The following GPATCH2 variants were observed in gnomAD, a reference collection of about 807,000 sequenced individuals.
GPATCH2 encodes G-patch domain containing 2, also known as G patch domain-containing protein 2.
GPATCH2 carries 51 observed loss-of-function variants against 58.0 expected under a neutral mutation model. The observed-to-expected ratio is 0.88, with a 90% CI of 0.70 to 1.11. The LOEUF (loss-of-function observed/expected upper bound fraction) is 1.11. GPATCH2 is among the 50% of genes most tolerant of loss of function. GPATCH2 has a pLI of 0.00. For missense variants in GPATCH2, 625 were observed against 652.2 expected (o/e 0.96, Z 0.45); for synonymous variants, 222 against 218.5 (o/e 1.02, Z -0.14).
At chr1:217,492,458 T>A (rs1356053049) in intron 7 of GPATCH2, 1 of 152,184 alleles carries the variant, frequency 6.6e-6, no homozygotes, top group African/African-American at 2.4e-5. Context: ...CTTATCTTAT[T>A]TATGCAGAAA....
chr1:217,535,878 G>A (rs1197351946), intron 5 of GPATCH2, among the ~76,000 whole-genome samples: 2 of 152,104 alleles, frequency 1.3e-5, no homozygotes, highest in African/African-American at 2.4e-5. Context: ...ACTGATTTCA[G>A]ATTAGAAAAA....
intron 2 of GPATCH2, among the ~76,000 whole-genome samples, chr1:217,616,386 G>A (rs565078750): frequency 6.6e-6 from 1 of 152,116 alleles, no homozygotes; most frequent in African/African-American, 2.4e-5. Flanking sequence ...TCCCATCTCT[G>A]GTCCTTTTGT....
chr1:217,570,828 A>C (rs1020083831), intron 5 of GPATCH2, among the ~76,000 whole-genome samples: 1 of 152,228 alleles, frequency 6.6e-6, no homozygotes, highest in Non-Finnish European at 1.5e-5. Context: ...GGATGATGGT[A>C]AGAAATGTCA....
chr1:217,593,703 C>T (rs1191982565), intron 5 of GPATCH2, among the ~76,000 whole-genome samples: 4 of 151,836 alleles, frequency 2.6e-5, no homozygotes, highest in Non-Finnish European at 4.4e-5. Flanking sequence ...AGTGGTAATC[C>T]ATCAAATCCA....
chr1:217,455,899 T>C (rs1659920003), intron 8 of GPATCH2, among the ~76,000 whole-genome samples: 1 of 151,738 alleles, frequency 6.6e-6, no homozygotes, highest in Non-Finnish European at 1.5e-5. Context: ...AGCAGAATGG[T>C]GTGGCAGAGA....
intron 8 of GPATCH2, among the ~76,000 whole-genome samples, chr1:217,466,731 A>G (rs1022846411): frequency 2.0e-5 from 3 of 152,116 alleles, no homozygotes; most frequent in African/African-American, 7.2e-5. Context: ...GGTAATTATT[A>G]GAAAAAAAAG....
chr1:217,603,018 T>C (rs1488111883), intron 5 of GPATCH2, among the ~76,000 whole-genome samples: 1 of 152,138 alleles, frequency 6.6e-6, no homozygotes, highest in Non-Finnish European at 1.5e-5. Flanking sequence ...ACTGTTTAAG[T>C]TGTAAACATT....
At chr1:217,611,299 C>G (rs1443784596) in intron 3 of GPATCH2, among the ~76,000 whole-genome samples, 1 of 151,986 alleles carries the variant, frequency 6.6e-6, no homozygotes. Context: ...TGTTATTTAC[C>G]TACAATTTAA....
At chr1:217,555,693 AT>A (rs1665584665) in intron 5 of GPATCH2, among the ~76,000 whole-genome samples, 1 of 152,186 alleles carries the variant, frequency 6.6e-6, no homozygotes, top group Non-Finnish European at 1.5e-5. Context: ...GCTGCAGAGA[AT>A]TAGACACTGG....
chr1:217,521,974 C>T (rs575631272), intron 5 of GPATCH2, among the ~76,000 whole-genome samples: 3 of 152,186 alleles, frequency 2.0e-5, no homozygotes, highest in Admixed American at 1.3e-4. Flanking sequence ...TCGAAGCGAT[C>T]TCACTATATT....
chr1:217,535,209 T>A (rs933233072), intron 5 of GPATCH2, among the ~76,000 whole-genome samples: 5 of 152,216 alleles, frequency 3.3e-5, no homozygotes, highest in Admixed American at 2.0e-4. Flanking sequence ...GGTTTTTAGT[T>A]TCAATCACTT....
At chr1:217,484,248 A>G (rs1370288699) in intron 8 of GPATCH2, among the ~76,000 whole-genome samples, 1 of 152,158 alleles carries the variant, frequency 6.6e-6, no homozygotes, top group Non-Finnish European at 1.5e-5. Context: ...TTAGAACACA[A>G]AAAGGATGAG....
At chr1:217,437,922 C>T (rs533919963) in intron 9 of GPATCH2, among the ~76,000 whole-genome samples, 12 of 152,302 alleles carry the variant, frequency 7.9e-5, no homozygotes, top group African/African-American at 2.6e-4. Flanking sequence ...GTCCCTGACC[C>T]CCGTGCTTCC....
chr1:217,477,748 C>T (rs1427267491), intron 8 of GPATCH2, among the ~76,000 whole-genome samples: 1 of 152,138 alleles, frequency 6.6e-6, no homozygotes, highest in Non-Finnish European at 1.5e-5. Flanking sequence ...AACAGAACAC[C>T]AGGTAGACTT....
At chr1:217,479,746 A>G (rs1045177410) in intron 8 of GPATCH2, among the ~76,000 whole-genome samples, 4 of 152,174 alleles carry the variant, frequency 2.6e-5, no homozygotes, top group Non-Finnish European at 4.4e-5. Flanking sequence ...TCAAGAGCCA[A>G]TGATCTGTTG....
intron 7 of GPATCH2, among the ~76,000 whole-genome samples, chr1:217,494,412 T>C (rs1327658953): frequency 1.3e-5 from 2 of 152,182 alleles, no homozygotes; most frequent in Admixed American, 1.3e-4. Flanking sequence ...AAAATTAATC[T>C]AAGGTGTTAC....
intron 8 of GPATCH2, among the ~76,000 whole-genome samples, chr1:217,459,161 C>T (rs1660088578): frequency 6.6e-6 from 1 of 152,188 alleles, no homozygotes; most frequent in African/African-American, 2.4e-5. Flanking sequence ...TATTCAAAAA[C>T]ATTCCCTTAA....
intron 5 of GPATCH2, among the ~76,000 whole-genome samples, chr1:217,550,476 T>C (rs1665294004): frequency 6.6e-6 from 1 of 151,980 alleles, no homozygotes; most frequent in Non-Finnish European, 1.5e-5. Flanking sequence ...AAAAAAAATC[T>C]AGGAATAGTG....
At chr1:217,615,860 G>A (rs1455904535) in intron 2 of GPATCH2, among the ~76,000 whole-genome samples, 1 of 152,074 alleles carries the variant, frequency 6.6e-6, no homozygotes. Flanking sequence ...AAAGCATTAT[G>A]AATTGATGTG....
Sources: gnomAD v4.1 joint callset for allele counts (sites outside exome capture counted in the v4.1 genomes callset) on GRCh38, gnomAD v4.1.1 for gene constraint, MANE v1.5 for transcripts, NCBI Gene and HGNC (gene_info 2026-07-23, HGNC 2026-07-21) for gene names.